Variants in ADGB observed in about 807,000 individuals in gnomAD.
The protein encoded by ADGB is androglobin.
A neutral mutation model predicts 210.5 loss-of-function variants in ADGB; 172 were observed. That is an observed-to-expected ratio of 0.82 (90% confidence interval 0.72 to 0.93). The LOEUF (loss-of-function observed/expected upper bound fraction) is 0.93, where lower values mean the gene tolerates loss of function less well. ADGB is among the 40% of genes least tolerant of loss of function. The probability of loss-of-function intolerance (pLI) is 0.00; values close to 1 mark genes in which losing one functional copy is unlikely to be tolerated. For synonymous variants in ADGB, 658 were observed against 662.7 expected, an observed-to-expected ratio of 0.99 and a Z score of 0.11; for missense variants, 2,025 against 1,964.8, an observed-to-expected ratio of 1.03 and a Z score of -0.58.
intron 14 of ADGB, among the ~76,000 whole-genome samples, chr6:146,716,357 C>A (rs1304846536): frequency 7.9e-6 from 1 of 126,996 alleles, no homozygotes; most frequent in African/African-American, 5.2e-5. Context: ...TTTGGGAGGC[C>A]GAGGCGGGTG....
At chr6:146,718,395 CTA>C (rs1316385471) in intron 16 of ADGB, among the ~76,000 whole-genome samples, 4 of 143,778 alleles carry the variant, frequency 2.8e-5, no homozygotes, top group African/African-American at 5.0e-5. Flanking sequence ...TCTGTATGCT[CTA>C]TGTTTGCCTG....
intron 30 of ADGB, among the ~76,000 whole-genome samples, chr6:146,782,721 G>T (rs552768016): frequency 6.6e-6 from 1 of 152,100 alleles, no homozygotes; most frequent in Non-Finnish European, 1.5e-5. Context: ...AAGCGTCATT[G>T]GAAGGCTGGG....
At chr6:146,742,224 G>A (rs1173795671) in intron 25 of ADGB, among the ~76,000 whole-genome samples, 1 of 151,954 alleles carries the variant, frequency 6.6e-6, no homozygotes, top group Non-Finnish European at 1.5e-5. Flanking sequence ...TGATACATAT[G>A]TGTGTATATG....
At chr6:146,775,423 A>C (rs1221392116) in intron 29 of ADGB, among the ~76,000 whole-genome samples, 1 of 152,148 alleles carries the variant, frequency 6.6e-6, no homozygotes, top group Non-Finnish European at 1.5e-5. Flanking sequence ...TTAAAACCTA[A>C]GTTTTGGTAA....
At chr6:146,629,872 A>C (rs981944329) in intron 1 of ADGB, among the ~76,000 whole-genome samples, 55 of 152,198 alleles carry the variant, frequency 3.6e-4, no homozygotes, top group Non-Finnish European at 4.6e-4. Flanking sequence ...ATAAATTTTC[A>C]GACTTTCTTT....
At chr6:146,723,725 A>T (rs371949069) in intron 17 of ADGB, among the ~76,000 whole-genome samples, 28 of 152,206 alleles carry the variant, frequency 1.8e-4, no homozygotes, top group African/African-American at 6.3e-4. Context: ...TAACAGAGTG[A>T]GAACCCGTCT....
intron 1 of ADGB, among the ~76,000 whole-genome samples, chr6:146,619,270 A>T (rs540050816): frequency 1.3e-5 from 2 of 152,178 alleles, no homozygotes; most frequent in East Asian, 3.9e-4. Flanking sequence ...CCTTATGGGC[A>T]AAGTGAGTTT....
intron 2 of ADGB, among the ~76,000 whole-genome samples, chr6:146,643,335 C>T (rs1037073388): frequency 6.6e-6 from 1 of 151,852 alleles, no homozygotes; most frequent in Admixed American, 6.6e-5. Context: ...AGGGTAAAAA[C>T]GTGATTACTG....
intron 1 of ADGB, among the ~76,000 whole-genome samples, chr6:146,623,927 A>T (rs1322666521): frequency 2.6e-5 from 4 of 151,950 alleles, no homozygotes; most frequent in African/African-American, 9.7e-5. Flanking sequence ...ACTCTAATTG[A>T]TCATGATGTA....
intron 13 of ADGB, among the ~76,000 whole-genome samples, chr6:146,701,821 T>C (rs970883155): frequency 3.3e-5 from 5 of 151,970 alleles, no homozygotes; most frequent in Admixed American, 6.6e-5. Context: ...TACCTAGCTA[T>C]ATAGGTCACA....
At chr6:146,603,503 T>G (rs1780589263) in intron 1 of ADGB, among the ~76,000 whole-genome samples, 1 of 152,212 alleles carries the variant, frequency 6.6e-6, no homozygotes, top group African/African-American at 2.4e-5. Context: ...TGTTTATACT[T>G]ATAAAATTTT....
rs180921203 is a variant in ADGB at position 146,657,879 on chromosome 6, C to T, written c.612+899C>T. 1.2e-4 allele frequency among the ~76,000 whole-genome samples: 19 copies of T among 152,268 alleles called. No homozygotes were observed. The East Asian group carries it at 3.7e-3, about 29-fold the overall frequency. Reference sequence around the variant, plus strand: ...CAAATAGAATAGTAGGAAGTACAAACAGAGGATCCAAAACCCCTTATAAAT... The same window carrying T: ...CAAATAGAATAGTAGGAAGTACAAATAGAGGATCCAAAACCCCTTATAAAT... On this transcript the variant is annotated intron_variant, in intron 5 of 35. Coordinates refer to ENST00000397944, the MANE Select transcript of ADGB (RefSeq NM_024694.4).
chr6:146,733,999 C>T lies in ADGB; in HGVS notation c.2763C>T (p.Tyr921=), dbSNP rs535266069. Residue 921 remains tyrosine (Y), a synonymous_variant, in exon 22 of 36, where the codon TAC becomes TAT. Transcript: ENST00000397944. The part of the protein sequence containing the change: ...IKIQAMWRGT[Y]VRLLMKARIP... ...TTCAAGCCATGTGGAGAGGAACTTACGTTAGATTGCTTATGAAAGCCAGAA... is the reference window on the plus strand; with the variant it reads ...TTCAAGCCATGTGGAGAGGAACTTATGTTAGATTGCTTATGAAAGCCAGAA... 1.8e-5 allele frequency: 28 copies of T among 1,551,442 alleles called. No individual in the cohort carries two copies. In the Middle Eastern group the frequency reaches 5.0e-4, roughly 28 times the overall value.
At chr6:146,738,964 T>G (rs1777122267) in intron 23 of ADGB, among the ~76,000 whole-genome samples, 1 of 152,156 alleles carries the variant, frequency 6.6e-6, no homozygotes, top group Non-Finnish European at 1.5e-5. Flanking sequence ...CTGACTAAAT[T>G]GAAACTAATT....
At chr6:146,781,169 TACAAA>T (rs1777793236) in intron 29 of ADGB, among the ~76,000 whole-genome samples, 1 of 9,786 alleles carries the variant, frequency 1.0e-4, no homozygotes, top group African/African-American at 4.6e-4. Context: ...CTACTAAAAA[TACAAA>T]AAAAAAAAAA....
chr6:146,714,613 G>A (rs1487522095), intron 13 of ADGB, among the ~76,000 whole-genome samples: 2 of 152,178 alleles, frequency 1.3e-5, no homozygotes, highest in African/African-American at 4.8e-5. Context: ...GAACCAGAAA[G>A]ATTAGGGAGA....
intron 5 of ADGB, among the ~76,000 whole-genome samples, chr6:146,663,580 T>C (rs1445513163): frequency 6.6e-6 from 1 of 152,074 alleles, no homozygotes; most frequent in Non-Finnish European, 1.5e-5. Flanking sequence ...ATTCTGTATG[T>C]ATACACACAT....
rs75340926 is a variant in ADGB, at chr6:146,777,466, T to C, written c.3863-4554T>C. On this transcript the variant is annotated intron_variant, in intron 29 of 35. Coordinates refer to ENST00000397944, the MANE Select transcript of ADGB (RefSeq NM_024694.4). ...CCTTCATGTTGGGGAAAGGTAATTA[T>C]ACTCTTCTAAAAGTAAACCAGTGGT... 2.4e-3 allele frequency among the ~76,000 whole-genome samples: 363 copies of C among 152,302 alleles called. 1 individual carries two copies. The highest frequency in any genetic ancestry group is 8.2e-3 in the African/African-American group (340 of 41,570).
chr6:146,613,001 T>C (rs1279123037), intron 1 of ADGB, among the ~76,000 whole-genome samples: 2 of 152,240 alleles, frequency 1.3e-5, no homozygotes, highest in South Asian at 2.1e-4. Context: ...ACTTTCCAAG[T>C]TGAAAACAAT....
Sources: allele counts gnomAD v4.1 joint callset (sites outside exome capture counted in the v4.1 genomes callset), GRCh38; gene constraint gnomAD v4.1.1; transcripts MANE v1.5; gene names NCBI Gene and HGNC (gene_info 2026-07-23, HGNC 2026-07-21).